The following PACSIN2 variants were observed in gnomAD, a reference collection of about 807,000 sequenced individuals.
PACSIN2 encodes protein kinase C and casein kinase substrate in neurons protein 2.
PACSIN2 carries 25 observed loss-of-function variants against 63.8 expected under a neutral mutation model. That is an observed-to-expected ratio of 0.39 (90% CI 0.29 to 0.55). The LOEUF (loss-of-function observed/expected upper bound fraction) is 0.55, where lower values mean the gene tolerates loss of function less well. PACSIN2 is among the 20% of genes least tolerant of loss of function. The pLI is 0.62. For synonymous variants in PACSIN2, 255 were observed against 256.2 expected (o/e 1.00, Z 0.05); for missense variants, 518 against 646.9 (o/e 0.80, Z 2.16).
intron 1 of PACSIN2, among the ~76,000 whole-genome samples, chr22:42,924,503 C>T (rs1932404960): frequency 6.6e-6 from 1 of 152,084 alleles, no homozygotes. Flanking sequence ...CACATTGCTG[C>T]TCTTAAGCCC....
intron 1 of PACSIN2, among the ~76,000 whole-genome samples, chr22:42,985,505 G>A (rs1001972341): frequency 1.3e-5 from 2 of 152,206 alleles, no homozygotes; most frequent in Non-Finnish European, 2.9e-5. Flanking sequence ...CCAGGTCTAG[G>A]TCCAGGAGTG....
Position 43,011,348 on chromosome 22 carries a change from G to A in PACSIN2, c.-78+3673C>T, listed in dbSNP as rs1057397883. Among the ~76,000 whole-genome samples, 6 of 152,138 alleles carry A rather than the reference G, an allele frequency of 3.9e-5. No homozygotes were observed. The East Asian group carries it at 1.2e-3, about 29-fold the overall frequency. ...TCATTAATCGCATAATCTACAGGGC[G>A]GCCTCCACAAAGCTGCCATTACAAT... is the stretch of plus-strand genomic sequence containing the variant. On this transcript the variant is annotated intron_variant, in intron 1 of 10. Coordinates refer to ENST00000263246, the MANE Select transcript of PACSIN2 (RefSeq NM_001184970.3).
At chr22:42,896,099 C>T (rs1007007288) in intron 2 of PACSIN2, among the ~76,000 whole-genome samples, 3 of 152,222 alleles carry the variant, frequency 2.0e-5, no homozygotes, top group Non-Finnish European at 4.4e-5. Context: ...ACATATACCA[C>T]TGTCTACCAC....
At chr22:42,947,615 G>A (rs1374728948) in intron 1 of PACSIN2, among the ~76,000 whole-genome samples, 1 of 147,648 alleles carries the variant, frequency 6.8e-6, no homozygotes, top group Non-Finnish European at 1.5e-5. Context: ...TAGCCTGGAT[G>A]CACAAATCTA....
In PACSIN2 at chr22:42,902,375, G is replaced by A. The variant is rs1013443747; in HGVS notation, c.61-8762C>T. 4.6e-5 allele frequency among the ~76,000 whole-genome samples: 7 copies of A among 152,274 alleles called. No individual in the cohort carries two copies. In the South Asian group the frequency reaches 1.0e-3, roughly 23 times the overall value. On this transcript the variant is annotated intron_variant, in intron 2 of 10. Coordinates refer to ENST00000263246, the MANE Select transcript of PACSIN2 (RefSeq NM_001184970.3). The stretch of plus-strand genomic sequence containing the variant: ...GATTACCCCTCCCCCTGGTGGACAT[G>A]TGCTGTCACATGCCAAAATGCATCA...
At chr22:42,981,778 T>TG (rs1448887345) in intron 1 of PACSIN2, among the ~76,000 whole-genome samples, 12 of 63,472 alleles carry the variant, frequency 1.9e-4, no homozygotes, top group Admixed American at 1.7e-3. Flanking sequence ...GGGAGGTGGG[T>TG]GGGTCAGCCC....
chr22:42,966,384 G>T (rs570831570), intron 1 of PACSIN2, among the ~76,000 whole-genome samples: 7 of 149,100 alleles, frequency 4.7e-5, no homozygotes, highest in African/African-American at 1.7e-4. Flanking sequence ...AAAGCCACTT[G>T]TCTTTACTCA....
intron 2 of PACSIN2, among the ~76,000 whole-genome samples, chr22:42,901,212 C>T (rs1257441530): frequency 6.6e-6 from 1 of 152,130 alleles, no homozygotes; most frequent in African/African-American, 2.4e-5. Flanking sequence ...CCCAAGCTGA[C>T]CTACAGAAGA....
intron 1 of PACSIN2, among the ~76,000 whole-genome samples, chr22:42,988,404 T>C (rs1266624834): frequency 6.6e-6 from 1 of 152,182 alleles, no homozygotes; most frequent in Non-Finnish European, 1.5e-5. Flanking sequence ...CTCATCTTCA[T>C]CAAGGTACAA....
intron 1 of PACSIN2, among the ~76,000 whole-genome samples, chr22:42,952,064 ACT>A (rs1483388315): frequency 1.3e-5 from 2 of 151,888 alleles, no homozygotes; most frequent in Non-Finnish European, 2.9e-5. Context: ...TCCAGCCCTA[ACT>A]CTGTTTTATT....
chr22:42,932,332 C>A (rs999292453), intron 1 of PACSIN2, among the ~76,000 whole-genome samples: 1 of 152,248 alleles, frequency 6.6e-6, no homozygotes, highest in African/African-American at 2.4e-5. Context: ...CACCTCCCAC[C>A]ACCACCAACT....
At chr22:42,989,869 T>A (rs72487666) in intron 1 of PACSIN2, among the ~76,000 whole-genome samples, 4,974 of 40,788 alleles carry the variant, frequency 0.12, 86 homozygotes, top group African/African-American at 0.17. Flanking sequence ...GAAAAAAAAA[T>A]ATATATATAT....
intron 1 of PACSIN2, 148 bp from the exon 2 acceptor site, chr22:42,912,305 A>G: frequency 1.9e-6 from 1 of 519,842 alleles, no homozygotes. Flanking sequence ...GAAAGCCAGT[A>G]GACTCTAATC....
intron 1 of PACSIN2, among the ~76,000 whole-genome samples, chr22:42,966,922 A>AT (rs899944213): frequency 1.3e-5 from 2 of 152,288 alleles, no homozygotes; most frequent in East Asian, 1.9e-4. Flanking sequence ...TATCGGTGTG[A>AT]TTTTTTTCCC....
intron 2 of PACSIN2, among the ~76,000 whole-genome samples, chr22:42,896,961 G>A (rs1375744847): frequency 6.6e-6 from 1 of 152,060 alleles, no homozygotes; most frequent in African/African-American, 2.4e-5. Flanking sequence ...TTTTGAGACA[G>A]GGTCTTGCTT....
At chr22:42,933,964 C>T (rs546902222) in intron 1 of PACSIN2, among the ~76,000 whole-genome samples, 81 of 152,224 alleles carry the variant, frequency 5.3e-4, no homozygotes, top group South Asian at 5.0e-3. Flanking sequence ...AAAAATAAAC[C>T]GGATACTCAA....
chr22:42,876,430 CAGGGCTG>C (rs1029748483), intron 9 of PACSIN2, 97 bp from the exon 10 acceptor site: 6 of 1,031,474 alleles, frequency 5.8e-6, no homozygotes, highest in Non-Finnish European at 7.3e-6. Context: ...CCTTGGGGCT[CAGGGCTG>C]AGGGCTCCTT....
chr22:42,905,143 T>C (rs1445716136), intron 2 of PACSIN2, among the ~76,000 whole-genome samples: 1 of 152,206 alleles, frequency 6.6e-6, no homozygotes, highest in Non-Finnish European at 1.5e-5. Flanking sequence ...AAGACAAGCT[T>C]CTTGACAGCA....
intron 1 of PACSIN2, among the ~76,000 whole-genome samples, chr22:42,938,766 C>G (rs1933020306): frequency 6.6e-6 from 1 of 152,192 alleles, no homozygotes. Context: ...CCCTTTTTAT[C>G]TAACCCAAAG....
Sources: allele counts gnomAD v4.1 joint callset (sites outside exome capture counted in the v4.1 genomes callset), GRCh38; gene constraint gnomAD v4.1.1; transcripts MANE v1.5; gene names NCBI Gene and HGNC (gene_info 2026-07-23, HGNC 2026-07-21).